STARD13: variants seen among roughly 807,000 people sequenced by gnomAD.
STARD13 encodes the protein StAR related lipid transfer domain containing 13, also known as stAR-related lipid transfer protein 13.
A neutral mutation model predicts 106.4 loss-of-function variants in STARD13; 62 were observed. The ratio of observed to expected loss-of-function variants is 0.58; its 90% CI spans 0.48 to 0.72. STARD13 has a LOEUF of 0.72. Among genes scored for constraint, STARD13 ranks in the 30% least tolerant of loss-of-function variants. The pLI is 0.00. For missense variants in STARD13, 1,387 were observed against 1,424.0 expected (o/e 0.97, Z 0.42); for synonymous variants, 565 against 553.0 (o/e 1.02, Z -0.31).
chr13:33,386,906 A>G, the STARD13 span, among the ~76,000 whole-genome samples: 1 of 152,002 alleles, frequency 6.6e-6, no homozygotes, highest in African/African-American at 2.4e-5. Flanking sequence ...GAGGTGGCTG[A>G]TGGGCTGAGA....
chr13:33,595,248 A>G, the STARD13 span, among the ~76,000 whole-genome samples: 2 of 152,192 alleles, frequency 1.3e-5, no homozygotes, highest in Admixed American at 6.5e-5. Flanking sequence ...AATAGAGCTT[A>G]TGTGTGTTGA....
upstream of STARD13, among the ~76,000 whole-genome samples, chr13:33,288,043 A>C (rs573188438): frequency 2.0e-5 from 3 of 152,154 alleles, no homozygotes; most frequent in South Asian, 6.2e-4. Flanking sequence ...TTATGAAAAC[A>C]AGTGGAATGA....
chr13:33,675,908 CT>C, the STARD13 span, among the ~76,000 whole-genome samples: 1 of 152,160 alleles, frequency 6.6e-6, no homozygotes, highest in Admixed American at 6.5e-5. Context: ...TATTCTACCT[CT>C]GGAGGCAGAT....
the STARD13 span, among the ~76,000 whole-genome samples, chr13:33,643,782 CCAA>C: frequency 2.0e-5 from 3 of 152,220 alleles, no homozygotes; most frequent in Middle Eastern, 3.2e-3. Flanking sequence ...TTAAACTTCC[CCAA>C]CAACTCTCCT....
At chr13:33,107,039 C>T (rs1022685591) in intron 12 of STARD13, 105 bp from the exon 13 acceptor site, 3 of 1,094,328 alleles carry the variant, frequency 2.7e-6, no homozygotes, top group Admixed American at 2.5e-5. Flanking sequence ...ACAACCTGGG[C>T]TCAGATTCCA....
chr13:33,373,098 G>C, the STARD13 span, among the ~76,000 whole-genome samples: 1 of 152,104 alleles, frequency 6.6e-6, no homozygotes, highest in East Asian at 1.9e-4. Context: ...TCCTCCAACT[G>C]TACTACAAAT....
intron 3 of STARD13, among the ~76,000 whole-genome samples, chr13:33,156,065 G>A (rs1432704825): frequency 2.0e-5 from 3 of 152,112 alleles, no homozygotes; most frequent in South Asian, 4.1e-4. Flanking sequence ...GCTGCATTAC[G>A]CCCCCATTAC....
intron 11 of STARD13, 95 bp downstream of exon 11, chr13:33,110,591 C>G: frequency 9.5e-7 from 1 of 1,047,310 alleles, no homozygotes; most frequent in Non-Finnish European, 1.5e-6. Context: ...GTGCCAAGCC[C>G]TGTGGACACA....
chr13:33,182,651 T>C (rs1382225794), intron 1 of STARD13, among the ~76,000 whole-genome samples: 1 of 152,256 alleles, frequency 6.6e-6, no homozygotes. Context: ...AAATTTGTGT[T>C]GGGCCACATT....
the STARD13 span, among the ~76,000 whole-genome samples, chr13:33,516,159 T>C: frequency 6.8e-6 from 1 of 147,812 alleles, no homozygotes; most frequent in Non-Finnish European, 1.5e-5. Context: ...ATATATAATA[T>C]ATAATGTATA....
chr13:33,294,783 T>C (rs1032590415), intron 1 of STARD13, among the ~76,000 whole-genome samples: 1 of 152,180 alleles, frequency 6.6e-6, no homozygotes, highest in African/African-American at 2.4e-5. Flanking sequence ...TTCTATAACC[T>C]CCTCCCATCT....
At chr13:33,278,130 C>A (rs1250874096) in intron 1 of STARD13, among the ~76,000 whole-genome samples, 1 of 152,094 alleles carries the variant, frequency 6.6e-6, no homozygotes, top group Non-Finnish European at 1.5e-5. Flanking sequence ...ATGTGACTTC[C>A]CAGTATCCTG....
the STARD13 span, among the ~76,000 whole-genome samples, chr13:33,387,308 G>A: frequency 9.2e-5 from 14 of 152,098 alleles, no homozygotes; most frequent in Non-Finnish European, 1.6e-4. Context: ...CCAGCTGTGC[G>A]TAATGTTTTC....
chr13:33,658,838 A>G, the STARD13 span, among the ~76,000 whole-genome samples: 22 of 152,098 alleles, frequency 1.4e-4, no homozygotes, highest in African/African-American at 5.3e-4. Flanking sequence ...CCACTCCCCA[A>G]TCTCTGGGAA....
the STARD13 span, among the ~76,000 whole-genome samples, chr13:33,363,161 T>C: frequency 6.6e-6 from 1 of 152,246 alleles, no homozygotes; most frequent in African/African-American, 2.4e-5. Context: ...CCTTTTAGCA[T>C]TCCTCATCTT....
At chr13:33,346,080 T>A (rs1325463399), downstream of STARD13, among the ~76,000 whole-genome samples, 1 of 152,198 alleles carries the variant, frequency 6.6e-6, no homozygotes, top group Non-Finnish European at 1.5e-5. Context: ...CTGTCTTGAG[T>A]GCATGCTCTC....
At position 33,129,392 on chromosome 13, in the gene STARD13, C is replaced by T. The variant is rs766966058; in HGVS notation, c.1285G>A (p.Gly429Ser). 21 of 1,614,152 alleles carry T rather than the reference C, an allele frequency of 1.3e-5. 1 individual carries two copies. Among genetic ancestry groups the T allele is most frequent in the Middle Eastern group, 1.6e-4 (1 of 6,062 alleles). ...TGCTCTCTGCCCAGGGAGATGCTACCGGTCCTCCAATTAACCCCATTGCTA... is the reference window on the plus strand; with the variant it reads ...TGCTCTCTGCCCAGGGAGATGCTACTGGTCCTCCAATTAACCCCATTGCTA... ...DSSNGVNWRT[G>S]SISLGREQVP... Residue 429 changes from glycine (G) to serine (S), a missense_variant, in exon 5 of 14, where the codon GGT becomes AGT. By Grantham distance (56) the Gly-to-Ser change is moderately conservative. Transcript: ENST00000336934.
the STARD13 span, among the ~76,000 whole-genome samples, chr13:33,428,145 C>T: frequency 6.6e-6 from 1 of 152,104 alleles, no homozygotes; most frequent in Non-Finnish European, 1.5e-5. Context: ...TAAAACTAGA[C>T]TGTTAGCTAT....
intron 1 of STARD13, among the ~76,000 whole-genome samples, chr13:33,258,505 C>A (rs1890481505): frequency 6.6e-6 from 1 of 151,984 alleles, no homozygotes; most frequent in African/African-American, 2.4e-5. Flanking sequence ...GTGGCCTTTT[C>A]AGTGTGTATT....
Sources: gnomAD v4.1 joint callset for allele counts (sites outside exome capture counted in the v4.1 genomes callset) on GRCh38, gnomAD v4.1.1 for gene constraint, MANE v1.5 for transcripts, NCBI Gene and HGNC (gene_info 2026-07-23, HGNC 2026-07-21) for gene names.